CYP46A1: variants seen among roughly 807,000 people sequenced by gnomAD.
CYP46A1 encodes the protein cytochrome P450 family 46 subfamily A member 1, also known as cholesterol 24-hydroxylase.
A neutral mutation model predicts 63.3 loss-of-function variants in CYP46A1; 20 were observed. That is an observed-to-expected ratio of 0.32 (90% CI 0.22 to 0.46). CYP46A1 has a LOEUF of 0.46. CYP46A1 is among the 20% of genes least tolerant of loss of function. The pLI, the probability that CYP46A1 is intolerant of heterozygous loss-of-function variation, is 1.00. For missense variants in CYP46A1, 445 were observed against 670.8 expected (o/e 0.66, Z 3.72); for synonymous variants, 268 against 273.6 (o/e 0.98, Z 0.20).
intron 3 of CYP46A1, chr14:99,693,284 C>G (rs1196430338): frequency 1.3e-5 from 2 of 152,526 alleles, no homozygotes; most frequent in African/African-American, 4.8e-5. Context: ...CCAGGAATCT[C>G]TAGCAGAATG....
rs940522357 is a variant in CYP46A1 at position 99,726,064 on chromosome 14, A to C, written c.1266-126A>C. The C allele has an allele frequency of 7.4e-6, 6 of 807,442 alleles. No homozygotes were observed. The African/African-American group carries it at 1.0e-4, about 14-fold the overall frequency. 50.0% of individuals were successfully genotyped at this position (807,442 alleles called of 1,614,324 possible). A position where few individuals can be genotyped will look rare whatever the true frequency, so the allele number is the denominator to read the frequency against. Reference sequence around the variant, plus strand: ...AGTCAGCGGTTCATGCTTTGCATGCAAAGTGCCCAGCCCCTGGCTCAAAGT... The same window carrying C: ...AGTCAGCGGTTCATGCTTTGCATGCCAAGTGCCCAGCCCCTGGCTCAAAGT... On this transcript the variant is annotated intron_variant, in intron 13 of 14. Coordinates refer to ENST00000261835, the MANE Select transcript of CYP46A1 (RefSeq NM_006668.2).
At chr14:99,690,093 G>A (rs1566825491) in intron 1 of CYP46A1, among the ~76,000 whole-genome samples, 1 of 152,178 alleles carries the variant, frequency 6.6e-6, no homozygotes. Context: ...CCCATTGCTT[G>A]GAAGGCTCTT....
chr14:99,699,483 C>T lies in CYP46A1; in HGVS notation c.300C>T (p.Thr100=), dbSNP rs1287461641. 1 of 1,614,124 alleles carries T rather than the reference C, an allele frequency of 6.2e-7. No individual in the cohort carries two copies. The highest frequency in any genetic ancestry group is 8.5e-7 in the Non-Finnish European group (1 of 1,180,026). Residue 100 remains threonine (T), a synonymous_variant, in exon 4 of 15, where the codon ACC becomes ACT. Coordinates refer to ENST00000261835, the MANE Select transcript of CYP46A1 (RefSeq NM_006668.2). The part of the protein sequence containing the change: ...PESVKKFLMS[T]KYNKDSKMYR... ...ATATTTAGAAGTTCCTGATGTCAAC[C>T]AAGTACAACAAGGACTCCAAGATGT... is the stretch of plus-strand genomic sequence containing the variant.
intron 5 of CYP46A1, among the ~76,000 whole-genome samples, chr14:99,704,728 A>G (rs900460337): frequency 2.0e-5 from 3 of 152,236 alleles, no homozygotes; most frequent in Admixed American, 6.5e-5. Context: ...AAATAAATAT[A>G]TACTTGCCAA....
chr14:99,721,835 G>C, intron 11 of CYP46A1, 121 bp from the exon 12 acceptor site: 1 of 707,074 alleles, frequency 1.4e-6, no homozygotes, highest in South Asian at 1.7e-5. Context: ...ACCCAGGCCA[G>C]GGTGAGGGTA....
intron 4 of CYP46A1, 38 bp from the exon 5 acceptor site, chr14:99,699,977 C>T: frequency 3.7e-6 from 2 of 535,944 alleles, no homozygotes; most frequent in Non-Finnish European, 6.3e-6. Flanking sequence ...TCCCCACCCC[C>T]CACCCTCTTT....
At chr14:99,689,703 C>T (rs1398540570) in intron 1 of CYP46A1, among the ~76,000 whole-genome samples, 1 of 152,336 alleles carries the variant, frequency 6.6e-6, no homozygotes, top group African/African-American at 2.4e-5. Context: ...CCTCACAGAG[C>T]ATTCAGAATC....
chr14:99,715,761 G>C (rs2140134412), intron 7 of CYP46A1, 49 bp from the exon 8 acceptor site: 2 of 1,612,254 alleles, frequency 1.2e-6, no homozygotes, highest in Non-Finnish European at 1.7e-6. Context: ...AGAGGGGAGA[G>C]GGAACATGCG....
intron 3 of CYP46A1, among the ~76,000 whole-genome samples, chr14:99,693,462 C>T (rs1471387040): frequency 6.6e-6 from 1 of 152,170 alleles, no homozygotes; most frequent in Non-Finnish European, 1.5e-5. Context: ...GATTGATATT[C>T]AAATGTTAAA....
rs182718826 is a variant in CYP46A1, at chr14:99,721,638, C to T, written c.1065+315C>T. Among the ~76,000 whole-genome samples, 19 of 152,252 alleles carry T rather than the reference C, an allele frequency of 1.2e-4. No homozygotes were observed. The East Asian group carries it at 1.9e-3, about 16-fold the overall frequency. ...CCCCTGGTGGAGTCAGGCTCAGCAG[C>T]GCCTCTCCATGCTGCCGCCGCACAG... On this transcript the variant is annotated intron_variant, in intron 11 of 14. Transcript: ENST00000261835.
chr14:99,716,062 C>CA, intron 8 of CYP46A1, 75 bp from the exon 9 acceptor site: 1 of 1,610,214 alleles, frequency 6.2e-7, no homozygotes, highest in Non-Finnish European at 8.5e-7. Flanking sequence ...AGGAGAAACA[C>CA]AGTTAGTTAT....
rs944796986 is a variant in CYP46A1, at chr14:99,725,600, T to C, written c.1265+121T>C. The C allele has an allele frequency of 4.8e-5, 34 of 711,588 alleles. No individual in the cohort carries two copies. Among genetic ancestry groups the C allele is most frequent in the East Asian group, 1.0e-4 (4 of 38,284 alleles). 44.1% of individuals were successfully genotyped at this position (711,588 alleles called of 1,614,324 possible). On this transcript the variant is annotated intron_variant, in intron 13 of 14. Coordinates refer to ENST00000261835, the MANE Select transcript of CYP46A1 (RefSeq NM_006668.2). This position sits in a 1 kb window ranked among gnomAD's most constrained non-coding sequence, Gnocchi z 4.2. Reference sequence around the variant, plus strand: ...CATAGCCTTCCAGATCCCTGTGAGGTGGTTGTGGAGGAAATCACAGCTCAG... The same window carrying C: ...CATAGCCTTCCAGATCCCTGTGAGGCGGTTGTGGAGGAAATCACAGCTCAG...
chr14:99,722,218 T>C lies in CYP46A1; in HGVS notation c.1176+152T>C. 1 of 579,386 alleles carries C rather than the reference T, an allele frequency of 1.7e-6. No homozygotes were observed. Among genetic ancestry groups the C allele is most frequent in the East Asian group, 2.9e-5 (1 of 34,362 alleles). The allele number at this position is 579,386 out of a possible 1,614,324, so 35.9% of individuals were successfully genotyped here. ...TGGTCTTTCTCATGGAGTCTCACCA[T>C]AGCCCTGTGAGGGCTTTTTCCCCTC... is the stretch of plus-strand genomic sequence containing the variant. On this transcript the variant is annotated intron_variant, in intron 12 of 14. Transcript: ENST00000261835. This position sits in a 1 kb window ranked among gnomAD's most constrained non-coding sequence, Gnocchi z 4.6.
At chr14:99,716,066 T>A in intron 8 of CYP46A1, 71 bp from the exon 9 acceptor site, 5 of 1,606,912 alleles carry the variant, frequency 3.1e-6, no homozygotes, top group Non-Finnish European at 4.3e-6. Context: ...GAAACACAGT[T>A]AGTTATTTTA....
At chr14:99,712,316 T>G (rs547609939) in intron 7 of CYP46A1, 3 of 152,224 alleles carry the variant, frequency 2.0e-5, no homozygotes, top group Admixed American at 2.0e-4. Flanking sequence ...GAGAAAGAAA[T>G]AAAAGACGTC....
rs538963917 is a variant in CYP46A1 at position 99,714,813 on chromosome 14, AT to A, written c.694-994del. 2.3e-4 allele frequency among the ~76,000 whole-genome samples: 35 copies of A among 152,188 alleles called. 3 individuals carry two copies. The South Asian group carries it at 7.3e-3, about 32-fold the overall frequency. ...TTGATGTATATACACATGGAATGCT[AT>A]TTGCCCATAAGAAAGAATGAAATCC... On this transcript the variant is annotated intron_variant, in intron 7 of 14. Transcript: ENST00000261835.
Position 99,726,780 on chromosome 14 carries a change from C to T in CYP46A1, c.*53C>T. The stretch of plus-strand genomic sequence containing the variant: ...TCGGGCAAGGGCCGTGCCCGCCCAC[C>T]TCTGCTGCCCACGGCCACCCACCCT... On this transcript the variant is annotated 3_prime_UTR_variant, in exon 15 of 15. Transcript: ENST00000261835. 1 of 1,392,582 alleles carries T rather than the reference C, an allele frequency of 7.2e-7. No individual in the cohort carries two copies. The highest frequency in any genetic ancestry group is 2.6e-5 in the East Asian group (1 of 38,756). 86.3% of individuals were successfully genotyped at this position (1,392,582 alleles called of 1,614,324 possible).
At chr14:99,693,866 TAGAGTTCAGC>T (rs2056563816) in intron 3 of CYP46A1, among the ~76,000 whole-genome samples, 1 of 152,186 alleles carries the variant, frequency 6.6e-6, no homozygotes, top group Non-Finnish European at 1.5e-5. Flanking sequence ...TTTTTAGGTG[TAGAGTTCAGC>T]AGCATTAAAG....
chr14:99,715,973 C>G lies in CYP46A1; in HGVS notation c.844+13C>G. The G allele has an allele frequency of 1.3e-6, 2 of 1,599,202 alleles. No homozygotes were observed. Among genetic ancestry groups the G allele is most frequent in the African/African-American group, 1.3e-5 (1 of 74,792 alleles). On this transcript the variant is annotated intron_variant, in intron 8 of 14. Transcript: ENST00000261835. ...CAGATTCTGAAAGGTGCAAGGGCCC[C>G]CTCTGCGGACTGGGGAGGGCGGGGT...
Sources: allele counts gnomAD v4.1 joint callset (sites outside exome capture counted in the v4.1 genomes callset), GRCh38; gene constraint gnomAD v4.1.1; non-coding constraint Gnocchi (gnomAD v3.1); transcripts MANE v1.5; gene names NCBI Gene and HGNC (gene_info 2026-07-23, HGNC 2026-07-21).